The following MITF variants were observed in gnomAD, a reference collection of about 807,000 sequenced individuals.
MITF encodes the protein microphthalmia-associated transcription factor.
In MITF, 17 loss-of-function variants were observed where a neutral mutation model predicts 60.5. The ratio of observed to expected loss-of-function variants is 0.28; its 90% CI spans 0.19 to 0.42. The LOEUF is 0.42. Among genes scored for constraint, MITF ranks in the 10% least tolerant of loss-of-function variants. MITF has a pLI of 1.00. For synonymous variants in MITF, 260 were observed against 248.5 expected (o/e 1.05, Z -0.43); for missense variants, 622 against 683.5 (o/e 0.91, Z 1.00).
At chr3:69,959,468 A>G (rs2107538505) in intron 9 of MITF, 48 bp downstream of exon 9, 1 of 1,609,532 alleles carries the variant, frequency 6.2e-7, no homozygotes, top group Non-Finnish European at 8.5e-7. Context: ...ACCGACTTCA[A>G]GACAGTAGAA....
At chr3:69,827,065 C>T (rs1055947068) in intron 1 of MITF, among the ~76,000 whole-genome samples, 1 of 152,160 alleles carries the variant, frequency 6.6e-6, no homozygotes, top group Non-Finnish European at 1.5e-5. Context: ...TAGCCTACAT[C>T]CTCCTCTTCT....
chr3:69,783,967 TG>T (rs2062607918), intron 1 of MITF, among the ~76,000 whole-genome samples: 1 of 152,242 alleles, frequency 6.6e-6, no homozygotes, highest in African/African-American at 2.4e-5. Context: ...TGTCTTTTTT[TG>T]TTCCCTTCCT....
In MITF at chr3:69,790,326, G is replaced by C. The variant is rs144511292; in HGVS notation, c.104+50625G>C. 5.6e-4 allele frequency among the ~76,000 whole-genome samples: 86 copies of C among 152,274 alleles called. No homozygotes were observed. In the East Asian group the frequency reaches 0.016, roughly 29 times the overall value. ...GTACAATGGTGGTTGCTAGGGGGAG[G>C]GGGTAGTGGGAAAAGGGGAGTTGGT... On this transcript the variant is annotated intron_variant, in intron 1 of 9. Coordinates refer to ENST00000352241, the MANE Select transcript of MITF (RefSeq NM_001354604.2).
intron 1 of MITF, among the ~76,000 whole-genome samples, chr3:69,871,971 G>A (rs550690107): frequency 6.0e-4 from 92 of 152,246 alleles, no homozygotes; most frequent in African/African-American, 2.1e-3. Context: ...TTAAAACATG[G>A]CAGTTAGATG....
At chr3:69,818,596 A>G (rs1479173995) in intron 1 of MITF, among the ~76,000 whole-genome samples, 3 of 152,180 alleles carry the variant, frequency 2.0e-5, no homozygotes, top group East Asian at 3.8e-4. Flanking sequence ...GTTTATCTCC[A>G]TTTCTCTAGC....
chr3:69,877,034 A>G (rs991939958), intron 1 of MITF, among the ~76,000 whole-genome samples: 2 of 152,206 alleles, frequency 1.3e-5, no homozygotes, highest in Non-Finnish European at 2.9e-5. Context: ...GCATACTTGG[A>G]TACATGCATA....
At chr3:69,929,386 G>T (rs2065665954) in intron 2 of MITF, among the ~76,000 whole-genome samples, 1 of 152,212 alleles carries the variant, frequency 6.6e-6, no homozygotes, top group Admixed American at 6.5e-5. Context: ...AATGCTCCTG[G>T]GGTGGGGTGG....
intron 1 of MITF, among the ~76,000 whole-genome samples, chr3:69,770,140 G>T (rs2062370566): frequency 6.6e-6 from 1 of 152,072 alleles, no homozygotes; most frequent in Non-Finnish European, 1.5e-5. Flanking sequence ...TTTGAAAAAA[G>T]ATTTCTTAGT....
chr3:69,827,833 C>A (rs35879809), intron 1 of MITF, among the ~76,000 whole-genome samples: 47,247 of 151,868 alleles, frequency 0.31, 8,896 homozygotes, highest in Non-Finnish European at 0.43. Context: ...GCCCAGGCAC[C>A]CTGATGACTT....
chr3:69,897,437 G>A lies in MITF; in HGVS notation c.354+18054G>A, dbSNP rs549029179. The stretch of plus-strand genomic sequence containing the variant: ...CAGAGAAGAAAAACTGAACATAGTA[G>A]AGCTTAAGAAATTGGTCTATATTGG... On this transcript the variant is annotated intron_variant, in intron 2 of 9. Coordinates refer to ENST00000352241, the MANE Select transcript of MITF (RefSeq NM_001354604.2). Among the ~76,000 whole-genome samples the A allele has an allele frequency of 5.9e-5, 9 of 152,296 alleles. 1 individual carries two copies. The South Asian group carries it at 1.5e-3, about 25-fold the overall frequency.
At chr3:69,785,546 T>C (rs1416558114) in intron 1 of MITF, among the ~76,000 whole-genome samples, 1 of 152,234 alleles carries the variant, frequency 6.6e-6, no homozygotes, top group Non-Finnish European at 1.5e-5. Context: ...TTGACAGAAA[T>C]GCACGTTGTT....
Position 69,890,133 on chromosome 3 carries a change from T to G in MITF, c.354+10750T>G, listed in dbSNP as rs2064726170. Among the ~76,000 whole-genome samples, 3 of 152,276 alleles carry G rather than the reference T, an allele frequency of 2.0e-5. No homozygotes were observed. In the South Asian group the frequency reaches 6.2e-4, roughly 32 times the overall value. On this transcript the variant is annotated intron_variant, in intron 2 of 9. Transcript: ENST00000352241. Reference sequence around the variant, plus strand: ...CGCCACAAAGAAAACACAAAAAAATTAGTCATTATTTTCTTGCTCATTATT... The same window carrying G: ...CGCCACAAAGAAAACACAAAAAAATGAGTCATTATTTTCTTGCTCATTATT...
chr3:69,820,570 G>C (rs552633768), intron 1 of MITF, among the ~76,000 whole-genome samples: 15 of 152,156 alleles, frequency 9.9e-5, no homozygotes, highest in Admixed American at 9.8e-4. Flanking sequence ...TTTCTGCCAG[G>C]ACAAAAATGT....
chr3:69,889,025 GTTTTTTT>G lies in MITF; in HGVS notation c.354+9662_354+9668del, dbSNP rs4057977. Among the ~76,000 whole-genome samples the G allele has an allele frequency of 1.2e-4, 7 of 58,814 alleles. No homozygotes were observed. The East Asian group carries it at 1.8e-3, about 15-fold the overall frequency. The allele number at this position is 58,814 out of a possible 152,430, so 38.6% of individuals were successfully genotyped here. ...AGACAGGCTGTAGTAATAGCCTTTG[GTTTTTTT>G]TTTTTTTTTTTTTTTTTTTGCATTG... On this transcript the variant is annotated intron_variant, in intron 2 of 9. Transcript: ENST00000352241.
At chr3:69,858,555 C>T (rs79375047) in intron 1 of MITF, among the ~76,000 whole-genome samples, 22,496 of 152,002 alleles carry the variant, frequency 0.15, 1,740 homozygotes, top group South Asian at 0.18. Context: ...AAAATATAAA[C>T]AAAAATTATG....
rs565572333 is a variant in MITF, at chr3:69,912,753, G to A, written c.355-25069G>A. ...TCCTCTGTTGGTTAGAATATAAACA[G>A]AATTGCTTTTTGCAAGGAATTTGGG... On this transcript the variant is annotated intron_variant, in intron 2 of 9. Coordinates refer to ENST00000352241, the MANE Select transcript of MITF (RefSeq NM_001354604.2). 1.9e-4 allele frequency among the ~76,000 whole-genome samples: 29 copies of A among 152,272 alleles called. 1 individual carries two copies. The South Asian group carries it at 3.5e-3, about 18-fold the overall frequency.
chr3:69,866,309 C>G (rs773860159), intron 1 of MITF: 5 of 1,613,802 alleles, frequency 3.1e-6, no homozygotes, highest in Non-Finnish European at 4.2e-6. Flanking sequence ...GCTTAGAGTT[C>G]AGATGTTCAT....
At chr3:69,854,382 G>C (rs1377983194) in intron 1 of MITF, among the ~76,000 whole-genome samples, 2 of 152,124 alleles carry the variant, frequency 1.3e-5, no homozygotes, top group African/African-American at 4.8e-5. Flanking sequence ...ATTTAAAATG[G>C]TGTAGTATTT....
chr3:69,865,365 G>A (rs1316780208), intron 1 of MITF, among the ~76,000 whole-genome samples: 4 of 152,284 alleles, frequency 2.6e-5, no homozygotes, highest in East Asian at 1.9e-4. Flanking sequence ...TGAATTGTGT[G>A]TAGGGAGAAA....
Sources: allele counts gnomAD v4.1 joint callset (sites outside exome capture counted in the v4.1 genomes callset), GRCh38; gene constraint gnomAD v4.1.1; transcripts MANE v1.5; gene names NCBI Gene and HGNC (gene_info 2026-07-23, HGNC 2026-07-21).